The following ZFHX3 variants were observed in gnomAD, a reference collection of about 807,000 sequenced individuals.
ZFHX3 encodes the protein zinc finger homeobox protein 3.
ZFHX3 carries 42 observed loss-of-function variants against 279.1 expected under a neutral mutation model. The observed-to-expected ratio is 0.15, with a 90% CI of 0.12 to 0.19. The LOEUF is 0.19. Ranked by LOEUF, ZFHX3 falls within the 10% of genes least tolerant of loss-of-function variation. The pLI is 1.00. For synonymous variants in ZFHX3, 2,293 were observed against 1,957.8 expected (o/e 1.17, Z -4.52); for missense variants, 4,981 against 4,754.0 (o/e 1.05, Z -1.40).
intron 7 of ZFHX3, among the ~76,000 whole-genome samples, chr16:73,111,147 G>A (rs1966368375): frequency 6.6e-6 from 1 of 152,118 alleles, no homozygotes; most frequent in African/African-American, 2.4e-5. Context: ...CACCATGTTG[G>A]TCAGGCTGGT....
intron 7 of ZFHX3, among the ~76,000 whole-genome samples, chr16:73,129,685 T>C (rs1358589315): frequency 7.1e-6 from 1 of 141,392 alleles, no homozygotes; most frequent in Non-Finnish European, 1.5e-5. Flanking sequence ...TGTGCATGTG[T>C]GCGCGCATGT....
chr16:73,854,477 T>C (rs908862148), intron 1 of ZFHX3, among the ~76,000 whole-genome samples: 1 of 152,056 alleles, frequency 6.6e-6, no homozygotes, highest in Non-Finnish European at 1.5e-5. Flanking sequence ...TGAGCTGAGA[T>C]TGTGCCACTG....
chr16:73,241,782 C>T (rs1407038550), intron 5 of ZFHX3, among the ~76,000 whole-genome samples: 1 of 109,864 alleles, frequency 9.1e-6, no homozygotes, highest in Non-Finnish European at 1.8e-5. Context: ...AAGAGCAAAA[C>T]TCCGTCTCAA....
At chr16:73,849,787 C>T (rs540883318) in intron 1 of ZFHX3, among the ~76,000 whole-genome samples, 1 of 152,338 alleles carries the variant, frequency 6.6e-6, no homozygotes, top group East Asian at 1.9e-4. Context: ...GGCTAGAGTA[C>T]GATGGCGTGA....
chr16:73,080,950 C>G (rs1339251163), intron 8 of ZFHX3, among the ~76,000 whole-genome samples: 1 of 152,156 alleles, frequency 6.6e-6, no homozygotes, highest in East Asian at 1.9e-4. Flanking sequence ...TACTTCTTAC[C>G]AAGCCTGGCT....
chr16:73,239,326 T>C (rs1239031305), intron 5 of ZFHX3, among the ~76,000 whole-genome samples: 1 of 152,122 alleles, frequency 6.6e-6, no homozygotes, highest in Non-Finnish European at 1.5e-5. Context: ...GGTCTTTAGG[T>C]GTTTGCTGAT....
rs1447686588 is a variant in ZFHX3 at position 72,788,508 on chromosome 16, G to A, written c.9768C>T (p.Val3256=). The A allele has an allele frequency of 3.1e-6, 5 of 1,614,078 alleles. No individual in the cohort carries two copies. Among genetic ancestry groups the A allele is most frequent in the Non-Finnish European group, 3.4e-6 (4 of 1,180,040 alleles). ...GGGCCTCTCCTTTCTCCTTCTTGGG[G>A]ACAGGCAGGGGTTCCCCTTTCCCTT... ...AHKGKGEPLP[V]PKKEKGEAPT... is the part of the protein sequence containing the mutation. The change falls in exon 10 of 10, where the codon GTC becomes GTT. Residue 3256 remains valine (V), a synonymous_variant. Transcript: ENST00000268489.
chr16:73,843,447 T>C (rs916049951), intron 1 of ZFHX3, among the ~76,000 whole-genome samples: 11 of 152,182 alleles, frequency 7.2e-5, no homozygotes, highest in African/African-American at 2.7e-4. Flanking sequence ...AGGAAACGGA[T>C]TGTGTCCTGT....
At chr16:72,825,486 C>G (rs965958961) in intron 5 of ZFHX3, among the ~76,000 whole-genome samples, 4 of 152,214 alleles carry the variant, frequency 2.6e-5, no homozygotes, top group African/African-American at 9.6e-5. Context: ...CTGAACCTGT[C>G]TGTATACCTT....
At chr16:72,862,055 T>C (rs1208121416) in intron 4 of ZFHX3, among the ~76,000 whole-genome samples, 2 of 152,172 alleles carry the variant, frequency 1.3e-5, no homozygotes, top group Non-Finnish European at 2.9e-5. Flanking sequence ...TTCTGTTTCA[T>C]TGTCGGTGTC....
intron 2 of ZFHX3, among the ~76,000 whole-genome samples, chr16:73,464,749 G>A (rs960282811): frequency 6.6e-6 from 1 of 152,218 alleles, no homozygotes; most frequent in Admixed American, 6.5e-5. Context: ...AGCTGTGCTG[G>A]GGCTCGGTCA....
intron 2 of ZFHX3, among the ~76,000 whole-genome samples, chr16:73,674,072 T>C (rs1217687038): frequency 6.6e-6 from 1 of 152,154 alleles, no homozygotes; most frequent in Non-Finnish European, 1.5e-5. Flanking sequence ...TCAGAAAATG[T>C]ACTCAACTCT....
intron 5 of ZFHX3, chr16:73,233,782 T>C (rs1019460299): frequency 3.9e-5 from 6 of 152,224 alleles, no homozygotes; most frequent in Admixed American, 2.6e-4. Context: ...ATGAGTGGAA[T>C]TGGGGCTCTT....
chr16:73,037,185 T>C (rs887794520), intron 1 of ZFHX3, among the ~76,000 whole-genome samples: 3 of 152,124 alleles, frequency 2.0e-5, no homozygotes, highest in African/African-American at 7.2e-5. Context: ...AACACAAAGT[T>C]TGGGAGTATT....
At chr16:72,889,216 T>C (rs1413477359) in intron 4 of ZFHX3, among the ~76,000 whole-genome samples, 1 of 152,000 alleles carries the variant, frequency 6.6e-6, no homozygotes, top group African/African-American at 2.4e-5. Context: ...ACAACTGAAA[T>C]TTTTATAACA....
intron 6 of ZFHX3, among the ~76,000 whole-genome samples, chr16:73,135,632 T>G (rs928294859): frequency 3.3e-5 from 5 of 152,048 alleles, no homozygotes; most frequent in African/African-American, 1.2e-4. Context: ...GAAAACACTA[T>G]TCTATGTGCG....
At chr16:73,085,802 C>T (rs1010011022) in intron 8 of ZFHX3, among the ~76,000 whole-genome samples, 2 of 151,968 alleles carry the variant, frequency 1.3e-5, no homozygotes, top group South Asian at 4.1e-4. Context: ...TTTAAAAGCA[C>T]AGGCATCAAA....
rs571553025 is a variant in ZFHX3 at position 72,843,188 on chromosome 16, C to A, written c.3449-13329G>T. 4.6e-5 allele frequency among the ~76,000 whole-genome samples: 7 copies of A among 152,052 alleles called. No individual in the cohort carries two copies. The South Asian group carries it at 1.5e-3, about 32-fold the overall frequency. Reference sequence around the variant, plus strand: ...ACCTCAATTTTACAGACTAGGAGACCAGGGATTGGAGCAGGATAGGGCTCC... The same window carrying A: ...ACCTCAATTTTACAGACTAGGAGACAAGGGATTGGAGCAGGATAGGGCTCC... On this transcript the variant is annotated intron_variant, in intron 4 of 9. Coordinates refer to ENST00000268489, the MANE Select transcript of ZFHX3 (RefSeq NM_006885.4).
At chr16:72,929,274 CA>C in intron 3 of ZFHX3, among the ~76,000 whole-genome samples, 5 of 150,550 alleles carry the variant, frequency 3.3e-5, no homozygotes, top group African/African-American at 1.2e-4. Flanking sequence ...GGTAAAAAAT[CA>C]AATTCTTACT....
Sources: gnomAD v4.1 joint callset for allele counts (sites outside exome capture counted in the v4.1 genomes callset) on GRCh38, gnomAD v4.1.1 for gene constraint, MANE v1.5 for transcripts, NCBI Gene and HGNC (gene_info 2026-07-23, HGNC 2026-07-21) for gene names.